IPO11: variants seen among roughly 807,000 people sequenced by gnomAD.
IPO11 encodes the protein importin-11.
IPO11 carries 66 observed loss-of-function variants against 143.2 expected under a neutral mutation model. The observed-to-expected ratio is 0.46, with a 90% CI of 0.38 to 0.57. The LOEUF (loss-of-function observed/expected upper bound fraction) is 0.57, where lower values mean the gene tolerates loss of function less well. Among genes scored for constraint, IPO11 ranks in the 20% least tolerant of loss-of-function variants. IPO11 has a pLI of 0.00. For missense variants in IPO11, 1,026 were observed against 1,141.0 expected, an observed-to-expected ratio of 0.90 and a Z score of 1.45; for synonymous variants, 385 against 377.8, an observed-to-expected ratio of 1.02 and a Z score of -0.22.
At chr5:62,480,570 G>A (rs969352112) in intron 9 of IPO11, among the ~76,000 whole-genome samples, 1 of 152,052 alleles carries the variant, frequency 6.6e-6, no homozygotes, top group South Asian at 2.1e-4. Context: ...TCCTATCCAC[G>A]AGCATGGAAT....
At chr5:62,463,260 G>C (rs1469611696) in intron 5 of IPO11, among the ~76,000 whole-genome samples, 1 of 151,876 alleles carries the variant, frequency 6.6e-6, no homozygotes, top group Non-Finnish European at 1.5e-5. Flanking sequence ...TGCCTAGGTG[G>C]GTCTTCAACT....
intron 27 of IPO11, chr5:62,580,829 G>A: frequency 2.6e-6 from 4 of 1,551,326 alleles, no homozygotes; most frequent in Non-Finnish European, 3.5e-6. Context: ...TCACCTGCTG[G>A]TAGATTTTTT....
intron 1 of IPO11, among the ~76,000 whole-genome samples, chr5:62,427,812 A>G (rs1345155865): frequency 6.6e-6 from 1 of 152,182 alleles, no homozygotes; most frequent in Non-Finnish European, 1.5e-5. Flanking sequence ...CCTGGTACCA[A>G]AAAGGTTGGG....
At chr5:62,469,694 A>G (rs139143912) in intron 6 of IPO11, among the ~76,000 whole-genome samples, 2 of 152,324 alleles carry the variant, frequency 1.3e-5, no homozygotes, top group African/African-American at 4.8e-5. Flanking sequence ...ACAATAGATC[A>G]AGGATTTAAA....
chr5:62,439,381 G>T (rs1357446556), intron 2 of IPO11, among the ~76,000 whole-genome samples: 1 of 143,376 alleles, frequency 7.0e-6, no homozygotes, highest in South Asian at 2.2e-4. Context: ...CCGCCTCCCA[G>T]GTTCATGCCA....
intron 1 of IPO11, among the ~76,000 whole-genome samples, chr5:62,417,914 T>C (rs1055378432): frequency 1.3e-5 from 2 of 152,228 alleles, no homozygotes; most frequent in African/African-American, 4.8e-5. Flanking sequence ...TTCTTTCCCC[T>C]TATTAACTTA....
intron 29 of IPO11, among the ~76,000 whole-genome samples, chr5:62,625,908 C>A (rs1159339906): frequency 6.6e-6 from 1 of 152,180 alleles, no homozygotes; most frequent in Non-Finnish European, 1.5e-5. Flanking sequence ...GAGTAATCTT[C>A]TTAATTTGGA....
chr5:62,605,505 T>C (rs1561384167), intron 29 of IPO11, among the ~76,000 whole-genome samples: 2 of 152,110 alleles, frequency 1.3e-5, no homozygotes, highest in African/African-American at 2.4e-5. Context: ...TCATTTAATA[T>C]ATGTTTCCTT....
In IPO11 at chr5:62,480,547, C is replaced by T. The variant is rs888507058; in HGVS notation, c.829-2554C>T. The stretch of plus-strand genomic sequence containing the variant: ...ACCTTGGACAGTATGGCCATTTTCA[C>T]GATATTGATTCTTCCTATCCACGAG... On this transcript the variant is annotated intron_variant, in intron 9 of 29. Coordinates refer to ENST00000325324, the MANE Select transcript of IPO11 (RefSeq NM_016338.5). Among the ~76,000 whole-genome samples the T allele has an allele frequency of 1.2e-4, 18 of 152,082 alleles. No individual in the cohort carries two copies. In the South Asian group the frequency reaches 1.9e-3, roughly 16 times the overall value.
intron 19 of IPO11, among the ~76,000 whole-genome samples, chr5:62,513,287 ACGGGGCGGCTGGCTGGGCG>A (rs1741845930): frequency 8.8e-6 from 1 of 113,646 alleles, no homozygotes; most frequent in Admixed American, 8.1e-5. Flanking sequence ...TCCCTCCCGG[ACGGGGCGGCTGGCTGGGCG>A]TGGGGCTGAC....
chr5:62,433,490 A>G (rs1046425381), intron 1 of IPO11, among the ~76,000 whole-genome samples: 3 of 152,236 alleles, frequency 2.0e-5, no homozygotes, highest in Admixed American at 2.0e-4. Context: ...TTGTTTTAAC[A>G]ATAAGAGTAG....
chr5:62,541,090 C>T (rs558490601), intron 24 of IPO11, among the ~76,000 whole-genome samples: 42 of 152,164 alleles, frequency 2.8e-4, no homozygotes, highest in Admixed American at 8.5e-4. Context: ...GTATTTTGGT[C>T]GCCAGGTGCC....
intron 5 of IPO11, among the ~76,000 whole-genome samples, 180 bp downstream of exon 5, chr5:62,452,113 C>T (rs1381950613): frequency 6.6e-6 from 1 of 152,096 alleles, no homozygotes; most frequent in African/African-American, 2.4e-5. Context: ...GGCGTGGTGG[C>T]ACACGCCTGT....
intron 29 of IPO11, among the ~76,000 whole-genome samples, chr5:62,625,107 A>G (rs1455999198): frequency 1.3e-5 from 2 of 152,202 alleles, no homozygotes; most frequent in East Asian, 1.9e-4. Flanking sequence ...ATAATGACAT[A>G]TGCCACATAA....
intron 24 of IPO11, among the ~76,000 whole-genome samples, chr5:62,545,546 C>T (rs928646818): frequency 1.2e-4 from 18 of 152,288 alleles, no homozygotes; most frequent in African/African-American, 3.9e-4. Context: ...TGGGCAGGGA[C>T]TTCATGTCTA....
intron 15 of IPO11, among the ~76,000 whole-genome samples, chr5:62,492,081 TGTTAAA>T (rs1411141695): frequency 6.6e-6 from 1 of 152,210 alleles, no homozygotes; most frequent in Non-Finnish European, 1.5e-5. Flanking sequence ...CTGGTAATCT[TGTTAAA>T]GTTTAGGTTT....
At chr5:62,572,218 A>G (rs995450208) in intron 27 of IPO11, among the ~76,000 whole-genome samples, 1 of 152,184 alleles carries the variant, frequency 6.6e-6, no homozygotes, top group Non-Finnish European at 1.5e-5. Context: ...TCATATTCCT[A>G]GATATTTCAT....
In IPO11 at chr5:62,475,049, G is replaced by A. The variant is rs976234934; in HGVS notation, c.757+585G>A. ...TGATTGACTGCAGGCACCTGATACT[G>A]AGGAAAGCAAAACTAAGAGGGGACT... On this transcript the variant is annotated intron_variant, in intron 8 of 29. Transcript: ENST00000325324. Among the ~76,000 whole-genome samples the A allele has an allele frequency of 2.6e-5, 4 of 152,084 alleles. No individual in the cohort carries two copies. The East Asian group carries it at 5.8e-4, about 22-fold the overall frequency.
At chr5:62,517,814 G>C (rs1742077278) in intron 20 of IPO11, among the ~76,000 whole-genome samples, 1 of 152,190 alleles carries the variant, frequency 6.6e-6, no homozygotes, top group African/African-American at 2.4e-5. Flanking sequence ...CAGGAGGTCA[G>C]AGTAACTCTT....
Sources: gnomAD v4.1 joint callset for allele counts (sites outside exome capture counted in the v4.1 genomes callset) on GRCh38, gnomAD v4.1.1 for gene constraint, MANE v1.5 for transcripts, NCBI Gene and HGNC (gene_info 2026-07-23, HGNC 2026-07-21) for gene names.